Variants in HHAT observed in about 807,000 individuals in gnomAD.
The protein encoded by HHAT is protein-cysteine N-palmitoyltransferase HHAT.
In HHAT, 47 loss-of-function variants were observed where a neutral mutation model predicts 70.8. That is an observed-to-expected ratio of 0.66 (90% CI 0.53 to 0.85). The LOEUF is 0.85. Among genes scored for constraint, HHAT ranks in the 40% least tolerant of loss-of-function variants. The pLI, the probability that HHAT is intolerant of heterozygous loss-of-function variation, is 0.00. For synonymous variants in HHAT, 228 were observed against 247.6 expected, an observed-to-expected ratio of 0.92 and a Z score of 0.74; for missense variants, 609 against 604.8, an observed-to-expected ratio of 1.01 and a Z score of -0.07.
intron 11 of HHAT, among the ~76,000 whole-genome samples, chr1:210,637,721 A>T (rs980376709): frequency 6.6e-6 from 1 of 152,022 alleles, no homozygotes; most frequent in African/African-American, 2.4e-5. Flanking sequence ...TTAGCTGAGC[A>T]TGGGGGCACA....
chr1:210,620,328 G>GGA (rs1353828671), intron 10 of HHAT, among the ~76,000 whole-genome samples: 2 of 152,142 alleles, frequency 1.3e-5, no homozygotes, highest in Non-Finnish European at 2.9e-5. Flanking sequence ...TTCCCAAGGT[G>GGA]GAGAGAGAGA....
chr1:210,618,029 T>C (rs1374317202), intron 10 of HHAT, among the ~76,000 whole-genome samples: 1 of 152,206 alleles, frequency 6.6e-6, no homozygotes, highest in Non-Finnish European at 1.5e-5. Flanking sequence ...TCTTGGATGC[T>C]GTGTAGTTGA....
rs1215606487 is a variant in HHAT, at chr1:210,375,229, C to T, written c.160-12239C>T. ...CCTCTTTGATGGCCATACTCACCCT[C>T]CTCCTCTTCATCTCTAATCCCTGAA... is the stretch of plus-strand genomic sequence containing the variant. On this transcript the variant is annotated intron_variant, in intron 3 of 11. Transcript: ENST00000261458. Among the ~76,000 whole-genome samples, 4 of 152,144 alleles carry T rather than the reference C, an allele frequency of 2.6e-5. No homozygotes were observed. In the East Asian group the frequency reaches 7.7e-4, roughly 29 times the overall value.
rs1573780821 is a variant in HHAT, at chr1:210,618,986, G to T, written c.1246-4540G>T. Among the ~76,000 whole-genome samples, 3 of 152,192 alleles carry T rather than the reference G, an allele frequency of 2.0e-5. No individual in the cohort carries two copies. The East Asian group carries it at 5.8e-4, about 29-fold the overall frequency. On this transcript the variant is annotated intron_variant, in intron 10 of 11. Coordinates refer to ENST00000261458, the MANE Select transcript of HHAT (RefSeq NM_018194.6). Reference sequence around the variant, plus strand: ...GTCTTAGACGGAAGTTTAAAGCCAAGTGTTGCCATAGCTGAGTGTTGTCGT... The same window carrying T: ...GTCTTAGACGGAAGTTTAAAGCCAATTGTTGCCATAGCTGAGTGTTGTCGT...
intron 7 of HHAT, among the ~76,000 whole-genome samples, chr1:210,444,583 A>G (rs565874366): frequency 2.0e-5 from 3 of 151,400 alleles, no homozygotes; most frequent in African/African-American, 4.8e-5. Flanking sequence ...GGGAGAGTGT[A>G]TGTGTCCAGG....
intron 8 of HHAT, among the ~76,000 whole-genome samples, chr1:210,473,556 C>A (rs2094247324): frequency 6.6e-6 from 1 of 152,096 alleles, no homozygotes; most frequent in Non-Finnish European, 1.5e-5. Flanking sequence ...TGGTGTGGGG[C>A]CACTGGGGGC....
chr1:210,504,169 T>C (rs1441012457), intron 8 of HHAT, among the ~76,000 whole-genome samples: 1 of 152,246 alleles, frequency 6.6e-6, no homozygotes, highest in Non-Finnish European at 1.5e-5. Flanking sequence ...GGAACTTTTC[T>C]TGTTCATTGC....
intron 11 of HHAT, among the ~76,000 whole-genome samples, chr1:210,647,721 G>A (rs1674359668): frequency 6.6e-6 from 1 of 152,222 alleles, no homozygotes; most frequent in South Asian, 2.1e-4. Flanking sequence ...CTATGTGGAG[G>A]AAACAGATTT....
chr1:210,477,161 T>TGCTGGAGGGC (rs1288040809), intron 8 of HHAT, among the ~76,000 whole-genome samples: 6 of 151,350 alleles, frequency 4.0e-5, no homozygotes, highest in Admixed American at 3.9e-4. Context: ...GCAGGGAGGG[T>TGCTGGAGGGC]GCTGGAGGGC....
intron 2 of HHAT, among the ~76,000 whole-genome samples, chr1:210,361,254 T>C (rs1348508216): frequency 1.3e-5 from 2 of 152,234 alleles, no homozygotes. Context: ...TCACAGTAAC[T>C]TGTCATTTGT....
At chr1:210,607,168 A>G (rs1665623630) in intron 10 of HHAT, among the ~76,000 whole-genome samples, 1 of 151,560 alleles carries the variant, frequency 6.6e-6, no homozygotes, top group Non-Finnish European at 1.5e-5. Context: ...CCTGGGCCTT[A>G]TGGTTATTTG....
chr1:210,630,630 A>T (rs1670675516), intron 11 of HHAT, among the ~76,000 whole-genome samples: 1 of 152,204 alleles, frequency 6.6e-6, no homozygotes, highest in African/African-American at 2.4e-5. Flanking sequence ...CTTTGGGAAC[A>T]GATCTCTCCC....
intron 9 of HHAT, among the ~76,000 whole-genome samples, chr1:210,565,581 A>T (rs1227291060): frequency 2.0e-5 from 3 of 152,296 alleles, no homozygotes; most frequent in African/African-American, 7.2e-5. Context: ...GGAAGTATCT[A>T]AAAAAACAGA....
At chr1:210,431,785 G>C (rs1307279755) in intron 7 of HHAT, among the ~76,000 whole-genome samples, 3 of 151,806 alleles carry the variant, frequency 2.0e-5, no homozygotes, top group Admixed American at 1.3e-4. Flanking sequence ...GGCAAGGACT[G>C]GGGGAAGAGA....
At chr1:210,347,329 G>T (rs1355881264) in intron 1 of HHAT, among the ~76,000 whole-genome samples, 1 of 152,152 alleles carries the variant, frequency 6.6e-6, no homozygotes, top group East Asian at 1.9e-4. Context: ...TACCTCCCCT[G>T]TTCCACTTCC....
At chr1:210,379,968 C>T (rs1028477182) in intron 3 of HHAT, among the ~76,000 whole-genome samples, 1 of 152,064 alleles carries the variant, frequency 6.6e-6, no homozygotes, top group Non-Finnish European at 1.5e-5. Flanking sequence ...ATTCTGTGAG[C>T]TTATATTTTC....
intron 8 of HHAT, among the ~76,000 whole-genome samples, chr1:210,487,762 A>AG (rs1004250135): frequency 5.9e-5 from 9 of 152,244 alleles, no homozygotes; most frequent in African/African-American, 2.2e-4. Flanking sequence ...CCTTTTATAA[A>AG]GGAAATTTAC....
chr1:210,409,126 A>G (rs989276264), intron 6 of HHAT, among the ~76,000 whole-genome samples: 6 of 152,170 alleles, frequency 3.9e-5, no homozygotes, highest in African/African-American at 1.4e-4. Flanking sequence ...TCGGCCTCCC[A>G]AAGTGCTGGG....
chr1:210,379,285 G>A (rs2090456331), intron 3 of HHAT, among the ~76,000 whole-genome samples: 1 of 152,202 alleles, frequency 6.6e-6, no homozygotes, highest in Admixed American at 6.5e-5. Context: ...TACTCTGAGA[G>A]TCATAGTGTT....
Sources: allele counts gnomAD v4.1 joint callset (sites outside exome capture counted in the v4.1 genomes callset), GRCh38; gene constraint gnomAD v4.1.1; transcripts MANE v1.5; gene names NCBI Gene and HGNC (gene_info 2026-07-23, HGNC 2026-07-21).